The following CYFIP1 variants were observed in gnomAD, a reference collection of about 807,000 sequenced individuals.
The protein encoded by CYFIP1 is cytoplasmic FMR1 interacting protein 1.
CYFIP1 carries 58 observed loss-of-function variants against 163.5 expected under a neutral mutation model. That is an observed-to-expected ratio of 0.35 (90% CI 0.29 to 0.44). The LOEUF is 0.44. CYFIP1 is among the 20% of genes least tolerant of loss of function. The pLI is 1.00. For synonymous variants in CYFIP1, 663 were observed against 660.7 expected, an observed-to-expected ratio of 1.00 and a Z score of -0.05; for missense variants, 1,338 against 1,653.8, an observed-to-expected ratio of 0.81 and a Z score of 3.31.
Position 22,917,763 on chromosome 15 carries a change from C to A in CYFIP1, c.1674+25G>T. The A allele has an allele frequency of 6.3e-7, 1 of 1,576,548 alleles. No individual in the cohort carries two copies. Among genetic ancestry groups the A allele is most frequent in the Non-Finnish European group, 8.6e-7 (1 of 1,161,508 alleles). On this transcript the variant is annotated intron_variant, in intron 15 of 30. Coordinates refer to ENST00000617928, the MANE Select transcript of CYFIP1 (RefSeq NM_014608.6). This position sits in a 1 kb window ranked among gnomAD's most constrained non-coding sequence, Gnocchi z 4.2. Reference sequence around the variant, plus strand: ...GGTGGGTCCCCCCAGGGAGAGGGTGCAGGCGGGGCTCAAGGGACGAGAACC... The same window carrying A: ...GGTGGGTCCCCCCAGGGAGAGGGTGAAGGCGGGGCTCAAGGGACGAGAACC...
At chr15:22,970,948 G>T (rs56301338) in intron 1 of CYFIP1, among the ~76,000 whole-genome samples, 1 of 151,658 alleles carries the variant, frequency 6.6e-6, no homozygotes, top group African/African-American at 2.4e-5. Context: ...TGGTGGCGGG[G>T]GCCTGTAATC....
chr15:22,938,188 C>A (rs2061776098), intron 8 of CYFIP1, among the ~76,000 whole-genome samples: 3 of 152,138 alleles, frequency 2.0e-5, no homozygotes, highest in Admixed American at 2.0e-4. Context: ...TGGAAAGCTT[C>A]CTAATTTGAA....
intron 1 of CYFIP1, among the ~76,000 whole-genome samples, chr15:22,979,982 G>A (rs2063418746): frequency 6.6e-6 from 1 of 152,196 alleles, no homozygotes; most frequent in Admixed American, 6.5e-5. Flanking sequence ...GCGAGGCGGT[G>A]AACGCGGGGG....
chr15:22,917,883 G>A lies in CYFIP1; in HGVS notation c.1579C>T (p.Pro527Ser). The stretch of plus-strand genomic sequence containing the variant: ...CCCCGCAAGGCTGGGTCATTGAAGG[G>A]CTCATGCCCCGTCTCCCAGTCACAC... ...TVCDWETGHE[P>S]FNDPALRGEK... Residue 527 changes from proline to serine, a missense_variant, in exon 15 of 31, where the codon CCC becomes TCC. Physicochemically the swap from Pro to Ser is moderately conservative, Grantham distance 74 (BLOSUM62 -1). This residue lies in a region of CYFIP1 where 824 missense variants were observed against 995.7 expected (regional missense o/e 0.83). Coordinates refer to ENST00000617928, the MANE Select transcript of CYFIP1 (RefSeq NM_014608.6). The surrounding 1 kb of genome is among the most constrained non-coding windows in gnomAD (Gnocchi z 4.2). 2.5e-6 allele frequency: 4 copies of A among 1,613,870 alleles called. No homozygotes were observed. Among genetic ancestry groups the A allele is most frequent in the Middle Eastern group, 1.6e-4 (1 of 6,062 alleles).
At position 22,879,982 on chromosome 15, in the gene CYFIP1, C is replaced by G. The variant is rs150333466; in HGVS notation, c.2973G>C (p.Thr991=). 17 of 1,613,846 alleles carry G rather than the reference C, an allele frequency of 1.1e-5. No individual in the cohort carries two copies. The African/African-American group carries it at 1.9e-4, about 18-fold the overall frequency. ...CCTCCCGCAGGTTCTGGAAGCACAC[C>G]GTCTTCAGCTCTGCGTACTCCACGA... ...KDIVEYAELK[T]VCFQNLREVG... is the part of the protein sequence containing the mutation. Residue 991 remains threonine (T), a synonymous_variant, in exon 26 of 31, where the codon ACG becomes ACC. Coordinates refer to ENST00000617928, the MANE Select transcript of CYFIP1 (RefSeq NM_014608.6).
chr15:22,912,112 G>C, intron 18 of CYFIP1, 67 bp downstream of exon 18: 1 of 1,404,128 alleles, frequency 7.1e-7, no homozygotes, highest in South Asian at 1.3e-5. Context: ...ATACTTGGGA[G>C]AAAACAAAAA....
At chr15:22,876,839 AAAAG>A (rs1211007383) in intron 26 of CYFIP1, among the ~76,000 whole-genome samples, 2 of 151,810 alleles carry the variant, frequency 1.3e-5, no homozygotes, top group East Asian at 1.9e-4. Context: ...TCTAAAAAAA[AAAAG>A]AAATGATGTA....
chr15:22,894,922 CT>C lies in CYFIP1; in HGVS notation c.2589-1946del, dbSNP rs1275358898. 6.4e-5 allele frequency among the ~76,000 whole-genome samples: 9 copies of C among 141,568 alleles called. No homozygotes were observed. The South Asian group carries it at 1.8e-3, about 28-fold the overall frequency. The allele number at this position is 141,568 out of a possible 152,430, so 92.9% of individuals were successfully genotyped here. On this transcript the variant is annotated intron_variant, in intron 22 of 30. Transcript: ENST00000617928. The stretch of plus-strand genomic sequence containing the variant: ...CCACACTGGAGTGCAGTGGTGTGAT[CT>C]TGACTAACTGCAGCCTCAACCTCCT...
At chr15:22,879,475 G>A (rs1254567453) in intron 26 of CYFIP1, among the ~76,000 whole-genome samples, 1 of 152,090 alleles carries the variant, frequency 6.6e-6, no homozygotes, top group East Asian at 1.9e-4. Flanking sequence ...TCCACCATGG[G>A]GCACGTGCAG....
chr15:22,937,155 C>T lies in CYFIP1; in HGVS notation c.849G>A (p.Lys283=), dbSNP rs2061736284. 2 of 1,613,708 alleles carry T rather than the reference C, an allele frequency of 1.2e-6. No homozygotes were observed. Among genetic ancestry groups the T allele is most frequent in the South Asian group, 1.1e-5 (1 of 91,068 alleles). ...LMDGSVSNIY[K]LDAKKRINLS... ...AGTTTATTCTTTTCTTGGCATCCAA[C>T]TTATAGATGTTACTGACACTCCCAT... The change falls in exon 9 of 31, where the codon AAG becomes AAA. Residue 283 remains lysine (K), a synonymous_variant. Coordinates refer to ENST00000617928, the MANE Select transcript of CYFIP1 (RefSeq NM_014608.6).
In CYFIP1 at chr15:22,916,443, G is replaced by T. The variant is rs1555408189; in HGVS notation, c.1828+34C>A. On this transcript the variant is annotated intron_variant, in intron 16 of 30. Transcript: ENST00000617928. ...GACGGTGTTAGTGGTGTTAGGACAT[G>T]CCAGGCCGGATGCTGCTCAGCAGTA... 2.5e-5 allele frequency: 37 copies of T among 1,506,136 alleles called. No individual in the cohort carries two copies. The East Asian group carries it at 8.1e-4, about 33-fold the overall frequency. The allele number at this position is 1,506,136 out of a possible 1,614,324, so 93.3% of individuals were successfully genotyped here. A position where few individuals can be genotyped will look rare whatever the true frequency, so the allele number is the denominator to read the frequency against.
At chr15:22,885,735 A>AAAAC (rs922054111) in intron 23 of CYFIP1, among the ~76,000 whole-genome samples, 1 of 152,116 alleles carries the variant, frequency 6.6e-6, no homozygotes, top group Non-Finnish European at 1.5e-5. Flanking sequence ...TCCATTTCAA[A>AAAAC]AAACAAACAA....
intron 1 of CYFIP1, among the ~76,000 whole-genome samples, chr15:22,957,277 C>T (rs371315583): frequency 1.3e-4 from 19 of 151,250 alleles, no homozygotes; most frequent in Admixed American, 2.6e-4. Context: ...CCGAGGCAGG[C>T]GGATCACGAG....
intron 1 of CYFIP1, among the ~76,000 whole-genome samples, chr15:22,951,996 G>A (rs766629021): frequency 6.6e-6 from 1 of 152,222 alleles, no homozygotes; most frequent in Non-Finnish European, 1.5e-5. Context: ...GCCAGTGCTT[G>A]CAGACTTCTT....
chr15:22,959,040 G>A (rs76032149), intron 1 of CYFIP1, among the ~76,000 whole-genome samples: 16,970 of 152,120 alleles, frequency 0.11, 1,073 homozygotes, highest in Non-Finnish European at 0.12. Context: ...GCCCCAGGTG[G>A]GGCCCTCAGG....
chr15:22,970,697 T>C (rs2063064153), intron 1 of CYFIP1, among the ~76,000 whole-genome samples: 1 of 152,224 alleles, frequency 6.6e-6, no homozygotes, highest in Non-Finnish European at 1.5e-5. Context: ...GGAAAAAGAA[T>C]AGTCTTTTCA....
chr15:22,893,684 C>T (rs531365383), intron 22 of CYFIP1, among the ~76,000 whole-genome samples: 21 of 152,276 alleles, frequency 1.4e-4, no homozygotes, highest in Admixed American at 9.2e-4. Flanking sequence ...TCTGAGAGGA[C>T]GTGCTGCACA....
chr15:22,980,797 T>TG (rs2063461556), upstream of CYFIP1, among the ~76,000 whole-genome samples: 1 of 151,980 alleles, frequency 6.6e-6, no homozygotes, highest in African/African-American at 2.4e-5. Flanking sequence ...GGCGCTCACC[T>TG]GCGCTCGTCG....
At chr15:22,952,155 T>C (rs180957393) in intron 1 of CYFIP1, among the ~76,000 whole-genome samples, 2 of 152,234 alleles carry the variant, frequency 1.3e-5, no homozygotes, top group Non-Finnish European at 2.9e-5. Context: ...CGCCGCATGA[T>C]TCCACTCATA....
Sources: allele counts gnomAD v4.1 joint callset (sites outside exome capture counted in the v4.1 genomes callset), GRCh38; gene constraint gnomAD v4.1.1; regional missense constraint gnomAD v4.1.1; non-coding constraint Gnocchi (gnomAD v3.1); transcripts MANE v1.5; gene names NCBI Gene and HGNC (gene_info 2026-07-23, HGNC 2026-07-21).